DTNA: variants seen among roughly 807,000 people sequenced by gnomAD.
DTNA encodes dystrobrevin alpha.
Under a neutral mutation model 100.7 loss-of-function variants are expected in DTNA, and 43 were observed. The observed-to-expected ratio is 0.43, with a 90% CI of 0.33 to 0.55. The LOEUF (loss-of-function observed/expected upper bound fraction) is 0.55, where lower values mean the gene tolerates loss of function less well. Ranked by LOEUF, DTNA falls within the 20% of genes least tolerant of loss-of-function variation. The pLI is 0.04. For missense variants in DTNA, 798 were observed against 953.9 expected (o/e 0.84, Z 2.15); for synonymous variants, 349 against 347.9 (o/e 1.00, Z -0.04).
At chr18:34,729,271 T>A (rs1337343495) in intron 1 of DTNA, among the ~76,000 whole-genome samples, 1 of 152,218 alleles carries the variant, frequency 6.6e-6, no homozygotes, top group East Asian at 1.9e-4. Context: ...ATGCAGGTAG[T>A]ACCTGGCAGC....
intron 1 of DTNA, among the ~76,000 whole-genome samples, chr18:34,529,680 G>A (rs1006314358): frequency 6.6e-6 from 1 of 152,078 alleles, no homozygotes; most frequent in East Asian, 1.9e-4. Flanking sequence ...CTATGTAACC[G>A]TTGTCATACA....
intron 1 of DTNA, among the ~76,000 whole-genome samples, chr18:34,678,542 A>G (rs111656183): frequency 2.6e-5 from 4 of 152,024 alleles, no homozygotes; most frequent in African/African-American, 9.7e-5. Flanking sequence ...TCATCTTAAC[A>G]TGAGATTTCC....
At position 34,838,054 on chromosome 18, in the gene DTNA, G is replaced by C. The variant is rs373900911; in HGVS notation, c.1176-40G>C. The C allele has an allele frequency of 2.5e-6, 4 of 1,591,270 alleles. No homozygotes were observed. In the Admixed American group the frequency reaches 6.7e-5, roughly 27 times the overall value. On this transcript the variant is annotated intron_variant, in intron 11 of 22. Transcript: ENST00000444659. ...AGTTTCTATTCTTGAATGCATTGCC[G>C]TGTTTACGCTCTTCTTGGCTTTCCC...
At position 34,823,678 on chromosome 18, in the gene DTNA, A is replaced by G. The variant is rs542273444; in HGVS notation, c.1001+2763A>G. ...CTATAGCTCTGTCTTGGTCATCCTCATTCCCTCTCTGATCTTTCCCCTTGC... is the reference window on the plus strand; with the variant it reads ...CTATAGCTCTGTCTTGGTCATCCTCGTTCCCTCTCTGATCTTTCCCCTTGC... On this transcript the variant is annotated intron_variant, in intron 9 of 22. Coordinates refer to ENST00000444659, the MANE Select transcript of DTNA (RefSeq NM_001386795.1). 9.7e-4 allele frequency among the ~76,000 whole-genome samples: 147 copies of G among 152,316 alleles called. 1 individual carries two copies. Among genetic ancestry groups the G allele is most frequent in the African/African-American group, 3.5e-3 (144 of 41,570 alleles).
intron 1 of DTNA, among the ~76,000 whole-genome samples, chr18:34,543,271 A>G (rs985398562): frequency 4.0e-5 from 6 of 151,828 alleles, no homozygotes; most frequent in African/African-American, 1.4e-4. Flanking sequence ...GTATTTATTA[A>G]ATATAATAAT....
intron 1 of DTNA, among the ~76,000 whole-genome samples, chr18:34,753,483 C>T (rs1291836243): frequency 7.0e-6 from 1 of 143,306 alleles, no homozygotes; most frequent in Non-Finnish European, 1.5e-5. Flanking sequence ...CCCGGGTTCA[C>T]GCCATTCTCC....
At chr18:34,514,670 A>G (rs2041417942) in intron 1 of DTNA, among the ~76,000 whole-genome samples, 1 of 152,074 alleles carries the variant, frequency 6.6e-6, no homozygotes, top group African/African-American at 2.4e-5. Context: ...TGGAAAGTCC[A>G]AGATTAAGGC....
intron 1 of DTNA, among the ~76,000 whole-genome samples, chr18:34,612,334 C>A (rs2054385996): frequency 6.6e-6 from 1 of 152,196 alleles, no homozygotes; most frequent in Admixed American, 6.5e-5. Flanking sequence ...CTCACTGCTA[C>A]TGACTTGTGA....
chr18:34,554,304 A>C (rs1486956595), intron 1 of DTNA, among the ~76,000 whole-genome samples: 7 of 142,098 alleles, frequency 4.9e-5, no homozygotes, highest in South Asian at 2.3e-4. Context: ...TAGATATACA[A>C]TCATGTCATC....
chr18:34,662,006 A>G (rs1006680886), intron 1 of DTNA, among the ~76,000 whole-genome samples: 2 of 152,140 alleles, frequency 1.3e-5, no homozygotes, highest in Admixed American at 1.3e-4. Context: ...GCTTCTCTCT[A>G]TAAACAAGGC....
chr18:34,730,295 A>G (rs1468889085), intron 1 of DTNA, among the ~76,000 whole-genome samples: 6 of 152,240 alleles, frequency 3.9e-5, no homozygotes. Flanking sequence ...CAATTTATTT[A>G]GTTCTTCATT....
intron 1 of DTNA, among the ~76,000 whole-genome samples, chr18:34,666,724 A>T (rs891952781): frequency 6.6e-6 from 1 of 152,074 alleles, no homozygotes; most frequent in African/African-American, 2.4e-5. Flanking sequence ...CAAAGATCAG[A>T]TGGTTGTAGA....
chr18:34,871,012 TAAAAACAG>T (rs2096760233), intron 17 of DTNA, among the ~76,000 whole-genome samples: 1 of 152,202 alleles, frequency 6.6e-6, no homozygotes, highest in South Asian at 2.1e-4. Context: ...GAAGAAAGGA[TAAAAACAG>T]GGCTGAATGC....
chr18:34,560,634 T>C (rs2046546194), intron 1 of DTNA, among the ~76,000 whole-genome samples: 1 of 152,164 alleles, frequency 6.6e-6, no homozygotes, highest in Non-Finnish European at 1.5e-5. Flanking sequence ...GGTTGGGCGC[T>C]ATGGCTCACT....
At chr18:34,517,460 CGTGTGTGTGTGT>C (rs1199695756) in intron 1 of DTNA, among the ~76,000 whole-genome samples, 61 of 149,000 alleles carry the variant, frequency 4.1e-4, no homozygotes, top group Non-Finnish European at 7.1e-4. Context: ...TTTATATACA[CGTGTGTGTGTGT>C]GTGTGTGTGT....
At chr18:34,515,361 C>A (rs1440758561) in intron 1 of DTNA, among the ~76,000 whole-genome samples, 4 of 152,072 alleles carry the variant, frequency 2.6e-5, no homozygotes, top group Admixed American at 2.6e-4. Context: ...CCAGTTTTAA[C>A]TTCCTACACA....
At chr18:34,777,360 C>T (rs2094113514) in intron 3 of DTNA, among the ~76,000 whole-genome samples, 1 of 152,076 alleles carries the variant, frequency 6.6e-6, no homozygotes, top group South Asian at 2.1e-4. Context: ...TGGTTCAGTA[C>T]CTATTAATTT....
intron 1 of DTNA, among the ~76,000 whole-genome samples, chr18:34,754,126 A>G (rs907190308): frequency 7.2e-5 from 11 of 152,318 alleles, no homozygotes; most frequent in Admixed American, 5.9e-4. Context: ...AAGCTACTCT[A>G]CGTCCTTCCC....
At chr18:34,576,966 C>T (rs567749271) in intron 1 of DTNA, among the ~76,000 whole-genome samples, 1 of 152,234 alleles carries the variant, frequency 6.6e-6, no homozygotes, top group African/African-American at 2.4e-5. Context: ...TACAACTTGC[C>T]TTGAAAGGTC....
Sources: allele counts gnomAD v4.1 joint callset (sites outside exome capture counted in the v4.1 genomes callset), GRCh38; gene constraint gnomAD v4.1.1; transcripts MANE v1.5; gene names NCBI Gene and HGNC (gene_info 2026-07-23, HGNC 2026-07-21).